NFAT5: variants seen among roughly 807,000 people sequenced by gnomAD.
NFAT5 encodes the protein nuclear factor of activated T cells 5.
In NFAT5, 31 loss-of-function variants were observed where a neutral mutation model predicts 166.5. That is an observed-to-expected ratio of 0.19 (90% CI 0.14 to 0.25). The LOEUF (loss-of-function observed/expected upper bound fraction) is 0.25, where lower values mean the gene tolerates loss of function less well. Among genes scored for constraint, NFAT5 ranks in the 10% least tolerant of loss-of-function variants. The pLI is 1.00. For missense variants in NFAT5, 1,449 were observed against 1,821.8 expected, an observed-to-expected ratio of 0.80 and a Z score of 3.72; for synonymous variants, 612 against 639.7, an observed-to-expected ratio of 0.96 and a Z score of 0.65.
chr16:69,684,860 T>C (rs1381173437), intron 10 of NFAT5, 27 bp from the exon 11 acceptor site: 2 of 1,511,232 alleles, frequency 1.3e-6, no homozygotes, highest in South Asian at 2.4e-5. Flanking sequence ...TAAATGTAGA[T>C]AAATACATTA....
At chr16:69,596,932 G>C (rs2032829635) in intron 2 of NFAT5, among the ~76,000 whole-genome samples, 1 of 152,102 alleles carries the variant, frequency 6.6e-6, no homozygotes, top group Non-Finnish European at 1.5e-5. Context: ...GGAAAGTATA[G>C]TTTGATGAGG....
intron 2 of NFAT5, among the ~76,000 whole-genome samples, chr16:69,598,600 A>T (rs748494652): frequency 1.3e-5 from 2 of 152,162 alleles, no homozygotes; most frequent in Non-Finnish European, 2.9e-5. Flanking sequence ...CTTATGGGAT[A>T]TTGAACACCT....
intron 2 of NFAT5, among the ~76,000 whole-genome samples, chr16:69,610,623 G>C (rs1325293232): frequency 6.6e-6 from 1 of 152,150 alleles, no homozygotes; most frequent in Non-Finnish European, 1.5e-5. Context: ...TCTCCTGCCT[G>C]GGACCCAGCT....
Position 69,701,615 on chromosome 16 carries a change from A to G in NFAT5, c.*5264A>G, listed in dbSNP as rs1007820869. ...CTTTATATAAACTAAATTTGTCTTCATCTCAACCAGCTAATGGTAGGTCTT... is the reference window on the plus strand; with the variant it reads ...CTTTATATAAACTAAATTTGTCTTCGTCTCAACCAGCTAATGGTAGGTCTT... On this transcript the variant is annotated 3_prime_UTR_variant, in exon 15 of 15. Coordinates refer to ENST00000349945, the MANE Select transcript of NFAT5 (RefSeq NM_138713.4). 1.9e-4 allele frequency: 29 copies of G among 152,428 alleles called. No homozygotes were observed. Among genetic ancestry groups the G allele is most frequent in the Non-Finnish European group, 2.6e-4 (18 of 68,036 alleles). 9.4% of individuals were successfully genotyped at this position (152,428 alleles called of 1,614,324 possible).
At chr16:69,597,652 C>T (rs907460323) in intron 2 of NFAT5, among the ~76,000 whole-genome samples, 4 of 150,828 alleles carry the variant, frequency 2.7e-5, no homozygotes, top group East Asian at 1.9e-4. Context: ...AGTGCAGTGG[C>T]GCGATCTCAG....
intron 5 of NFAT5, among the ~76,000 whole-genome samples, chr16:69,654,618 A>G (rs1427245145): frequency 6.6e-6 from 1 of 152,238 alleles, no homozygotes; most frequent in Non-Finnish European, 1.5e-5. Context: ...AGTTAGAAGT[A>G]TTGTTAGATT....
intron 3 of NFAT5, among the ~76,000 whole-genome samples, chr16:69,627,706 G>A (rs533095671): frequency 6.6e-6 from 1 of 152,278 alleles, no homozygotes; most frequent in African/African-American, 2.4e-5. Flanking sequence ...GATCAGCCCT[G>A]TTCACTGTTC....
intron 11 of NFAT5, chr16:69,685,349 C>A (rs2037254125): frequency 6.6e-6 from 1 of 151,046 alleles, no homozygotes; most frequent in Non-Finnish European, 1.5e-5. Flanking sequence ...GACTTCAAGA[C>A]CTGCCTGGCC....
Position 69,692,072 on chromosome 16 carries a change from G to C in NFAT5, c.2247G>C (p.Leu749Phe). Residue 749 changes from leucine to phenylalanine, a missense_variant, in exon 13 of 15, where the codon TTG becomes TTC. Physicochemically the swap from Leu to Phe is conservative, Grantham distance 22. Transcript: ENST00000349945. ...AGTCAGATGGTACAGTGGTTAATTT[G>C]TCACAACTGACTGAGGCATCACAAC... ...ILQSDGTVVNLSQLTEASQQQ... is the reference protein window; with the variant it reads ...ILQSDGTVVNFSQLTEASQQQ... The C allele has an allele frequency of 6.2e-7, 1 of 1,614,116 alleles. No individual in the cohort carries two copies. The highest frequency in any genetic ancestry group is 8.5e-7 in the Non-Finnish European group (1 of 1,180,032).
intron 10 of NFAT5, among the ~76,000 whole-genome samples, chr16:69,677,650 G>A (rs182596387): frequency 6.6e-6 from 1 of 152,290 alleles, no homozygotes; most frequent in East Asian, 1.9e-4. Context: ...CTTATGTGCA[G>A]AAACCTGAAA....
chr16:69,661,202 T>G (rs2036119681), intron 7 of NFAT5, among the ~76,000 whole-genome samples: 1 of 150,864 alleles, frequency 6.6e-6, no homozygotes, highest in African/African-American at 2.4e-5. Flanking sequence ...CCTGTTTCCT[T>G]CTGTCTCCCA....
At chr16:69,606,013 C>T (rs1377232065) in intron 2 of NFAT5, among the ~76,000 whole-genome samples, 1 of 152,154 alleles carries the variant, frequency 6.6e-6, no homozygotes, top group Non-Finnish European at 1.5e-5. Flanking sequence ...GCGCCCGGCC[C>T]CCTTTTTTCT....
chr16:69,676,228 A>G (rs1450295133), intron 9 of NFAT5, among the ~76,000 whole-genome samples: 2 of 152,062 alleles, frequency 1.3e-5, no homozygotes, highest in Non-Finnish European at 2.9e-5. Flanking sequence ...AGGGAAGAAG[A>G]AAAAAAAGTC....
chr16:69,668,049 C>G (rs1328303630), intron 7 of NFAT5, among the ~76,000 whole-genome samples: 1 of 152,054 alleles, frequency 6.6e-6, no homozygotes, highest in Admixed American at 6.6e-5. Flanking sequence ...TCACTGCAAC[C>G]TCTGCCTCCT....
intron 2 of NFAT5, among the ~76,000 whole-genome samples, chr16:69,606,027 A>G (rs1299502395): frequency 6.6e-6 from 1 of 151,914 alleles, no homozygotes; most frequent in South Asian, 2.1e-4. Flanking sequence ...TTTTTCTTTT[A>G]ATAGGAATGT....
chr16:69,566,196 G>A lies in NFAT5; in HGVS notation c.-106G>A. On this transcript the variant is annotated 5_prime_UTR_variant, in exon 1 of 15. Coordinates refer to ENST00000349945, the MANE Select transcript of NFAT5 (RefSeq NM_138713.4). This position sits in a 1 kb window ranked among gnomAD's most constrained non-coding sequence, Gnocchi z 5.7. ...GGAGGAGGCAGCGGCAGCCGCCCTC[G>A]CGTCGCCGCCCCCGGTTCGGTGCCC... The A allele has an allele frequency of 1.0e-6, 1 of 958,286 alleles. No homozygotes were observed. The highest frequency in any genetic ancestry group is 1.6e-6 in the Non-Finnish European group (1 of 644,236). 59.4% of individuals were successfully genotyped at this position (958,286 alleles called of 1,614,324 possible). A position where few individuals can be genotyped will look rare whatever the true frequency, so the allele number is the denominator to read the frequency against.
Position 69,692,006 on chromosome 16 carries a change from A to G in NFAT5, c.2181A>G (p.Thr727=), listed in dbSNP as rs780543657. 9 of 1,614,098 alleles carry G rather than the reference A, an allele frequency of 5.6e-6. No homozygotes were observed. The highest frequency in any genetic ancestry group is 7.6e-6 in the Non-Finnish European group (9 of 1,180,054). Residue 727 remains threonine (T), a synonymous_variant, in exon 13 of 15, where the codon ACA becomes ACG. Coordinates refer to ENST00000349945, the MANE Select transcript of NFAT5 (RefSeq NM_138713.4). Reference sequence around the variant, plus strand: ...GCGATGCACTATTGCAGCAGGCTACACAGTTTCAGACAAGAGAAACTCAGT... The same window carrying G: ...GCGATGCACTATTGCAGCAGGCTACGCAGTTTCAGACAAGAGAAACTCAGT... The part of the protein sequence containing the change: ...PNSDALLQQA[T]QFQTRETQSR...
intron 2 of NFAT5, among the ~76,000 whole-genome samples, chr16:69,617,143 C>T (rs947273104): frequency 4.6e-5 from 7 of 151,914 alleles, no homozygotes; most frequent in East Asian, 1.9e-4. Flanking sequence ...GGAGTTTCAC[C>T]GTGTTAGCCA....
At chr16:69,638,507 G>A (rs10852458) in intron 3 of NFAT5, among the ~76,000 whole-genome samples, 46,285 of 152,010 alleles carry the variant, frequency 0.3, 8,219 homozygotes, top group African/African-American at 0.48. Context: ...GTTGTGGTGC[G>A]TGGATCACCT....
Sources: allele counts gnomAD v4.1 joint callset (sites outside exome capture counted in the v4.1 genomes callset), GRCh38; gene constraint gnomAD v4.1.1; non-coding constraint Gnocchi (gnomAD v3.1); transcripts MANE v1.5; gene names NCBI Gene and HGNC (gene_info 2026-07-23, HGNC 2026-07-21).